ZDHHC3: variants seen among roughly 807,000 people sequenced by gnomAD.
ZDHHC3 encodes zDHHC palmitoyltransferase 3.
In ZDHHC3, 9 loss-of-function variants were observed where a neutral mutation model predicts 30.6. The ratio of observed to expected loss-of-function variants is 0.29; its 90% CI spans 0.18 to 0.51. The LOEUF (loss-of-function observed/expected upper bound fraction) is 0.51, where lower values mean the gene tolerates loss of function less well. Among genes scored for constraint, ZDHHC3 ranks in the 20% least tolerant of loss-of-function variants. The pLI is 0.97. For missense variants in ZDHHC3, 246 were observed against 384.2 expected (o/e 0.64, Z 3.01); for synonymous variants, 136 against 140.2 (o/e 0.97, Z 0.21).
chr3:44,964,951 G>A (rs935580791), intron 1 of ZDHHC3, among the ~76,000 whole-genome samples: 1 of 152,120 alleles, frequency 6.6e-6, no homozygotes, highest in Non-Finnish European at 1.5e-5. Flanking sequence ...AGCCCAGAAA[G>A]GCAAAGGAAC....
At position 44,921,148 on chromosome 3, in the gene ZDHHC3, G is replaced by A. The variant is rs1700561637; in HGVS notation, c.*5541C>T. Reference sequence around the variant, plus strand: ...GTGATGGGCCTTTTGGCCCAGGTCAGTCTGGGTGACACATGAGCTGTGATC... The same window carrying A: ...GTGATGGGCCTTTTGGCCCAGGTCAATCTGGGTGACACATGAGCTGTGATC... On this transcript the variant is annotated 3_prime_UTR_variant, in exon 7 of 7. Transcript: ENST00000424952. The A allele has an allele frequency of 3.0e-6, 3 of 985,292 alleles. No individual in the cohort carries two copies. The highest frequency in any genetic ancestry group is 1.2e-4 in the Admixed American group (2 of 16,274). The allele number at this position is 985,292 out of a possible 1,614,324, so 61.0% of individuals were successfully genotyped here.
chr3:44,948,291 G>C (rs573794045), intron 2 of ZDHHC3, among the ~76,000 whole-genome samples: 1 of 152,290 alleles, frequency 6.6e-6, no homozygotes, highest in South Asian at 2.1e-4. Context: ...GATGAAGACT[G>C]GGTGTCAGAA....
At chr3:44,935,166 T>C (rs1701843553) in intron 3 of ZDHHC3, among the ~76,000 whole-genome samples, 1 of 152,174 alleles carries the variant, frequency 6.6e-6, no homozygotes. Context: ...AAAAACTTTT[T>C]AATCTGAGGA....
intron 2 of ZDHHC3, 50 bp from the exon 3 acceptor site, chr3:44,945,342 T>G: frequency 6.2e-7 from 1 of 1,612,488 alleles, no homozygotes; most frequent in Non-Finnish European, 8.5e-7. Flanking sequence ...TTCTATCAGC[T>G]CTAACATTCT....
chr3:44,931,170 A>G (rs568152041), intron 5 of ZDHHC3, among the ~76,000 whole-genome samples: 22 of 152,218 alleles, frequency 1.4e-4, no homozygotes, highest in African/African-American at 4.8e-4. Context: ...GGGCTTTCTG[A>G]GATTTTGTTT....
At position 44,923,909 on chromosome 3, in the gene ZDHHC3, C is replaced by A; in HGVS notation, c.*2780G>T. On this transcript the variant is annotated 3_prime_UTR_variant, in exon 7 of 7. Transcript: ENST00000424952. ...ATGTGTTTTGTGTACATGATATTAC[C>A]AAGCCCATGCAAATATGCATAGATT... 1 of 985,432 alleles carries A rather than the reference C, an allele frequency of 1.0e-6. No homozygotes were observed. The highest frequency in any genetic ancestry group is 1.2e-6 in the Non-Finnish European group (1 of 829,930). 61.0% of individuals were successfully genotyped at this position (985,432 alleles called of 1,614,324 possible).
rs2125826486 is a variant in ZDHHC3 at position 44,933,149 on chromosome 3, G to A, written c.579C>T (p.His193=). The A allele has an allele frequency of 6.2e-7, 1 of 1,614,224 alleles. No individual in the cohort carries two copies. Among genetic ancestry groups the A allele is most frequent in the Non-Finnish European group, 8.5e-7 (1 of 1,180,046 alleles). ...SLHALIMVGF[H]FLHCFEEDWT... ...AATCTTCTTCAAAGCAATGCAGGAA[G>A]TGGAATCCCACCATGATGAGGGCGT... is the stretch of plus-strand genomic sequence containing the variant. The change falls in exon 5 of 7, where the codon CAC becomes CAT. Residue 193 remains histidine (H), a synonymous_variant. Transcript: ENST00000424952.
chr3:44,946,821 C>T (rs1012147489), intron 2 of ZDHHC3, among the ~76,000 whole-genome samples: 1 of 152,122 alleles, frequency 6.6e-6, no homozygotes. Context: ...GAGGCCGGAC[C>T]GATGGGCCGG....
chr3:44,975,772 TCACACACA>T (rs1185484134), intron 1 of ZDHHC3, among the ~76,000 whole-genome samples, 153 bp downstream of exon 1: 1 of 116,704 alleles, frequency 8.6e-6, no homozygotes, highest in Non-Finnish European at 1.8e-5. Context: ...TCTCTCTCTC[TCACACACA>T]CACACACACA....
intron 3 of ZDHHC3, among the ~76,000 whole-genome samples, chr3:44,941,996 G>T (rs1297470027): frequency 6.6e-6 from 1 of 152,222 alleles, no homozygotes; most frequent in Non-Finnish European, 1.5e-5. Context: ...ACACCAGGAT[G>T]AAAGAGCGTG....
rs1385331858 is a variant in ZDHHC3 at position 44,926,570 on chromosome 3, T to TA, written c.*118dup. ...ATGCTCAGCCATTTTACTTGAGACA[T>TA]AAAAAAAGTTTTAAGAGTAGTTGTT... is the stretch of plus-strand genomic sequence containing the variant. On this transcript the variant is annotated 3_prime_UTR_variant, in exon 7 of 7. Transcript: ENST00000424952. 1 of 1,270,762 alleles carries TA rather than the reference T, an allele frequency of 7.9e-7. No homozygotes were observed. Among genetic ancestry groups the TA allele is most frequent in the Non-Finnish European group, 1.0e-6 (1 of 1,002,088 alleles). 78.7% of individuals were successfully genotyped at this position (1,270,762 alleles called of 1,614,324 possible). A position where few individuals can be genotyped will look rare whatever the true frequency, so the allele number is the denominator to read the frequency against.
chr3:44,955,447 C>A (rs1703849878), intron 2 of ZDHHC3, among the ~76,000 whole-genome samples: 1 of 129,516 alleles, frequency 7.7e-6, no homozygotes. Context: ...TGAGGGAGAC[C>A]ACAAGGTTTT....
intron 5 of ZDHHC3, chr3:44,932,878 G>A (rs765793165): frequency 9.3e-6 from 15 of 1,611,010 alleles, no homozygotes; most frequent in Admixed American, 1.7e-5. Context: ...TCAGTCCAGA[G>A]GGTCTGTCTG....
rs914383522 is a variant in ZDHHC3, at chr3:44,920,032, A to T, written c.*6657T>A. The T allele has an allele frequency of 9.3e-6, 11 of 1,176,954 alleles. No individual in the cohort carries two copies. The highest frequency in any genetic ancestry group is 3.2e-5 in the African/African-American group (2 of 62,562). The allele number at this position is 1,176,954 out of a possible 1,614,324, so 72.9% of individuals were successfully genotyped here. On this transcript the variant is annotated 3_prime_UTR_variant, in exon 7 of 7. Transcript: ENST00000424952. ...TACATGACATTAGAACATTTGTCTGAGTGGTTACTTTTGGGGATGGAATTC... is the reference window on the plus strand; with the variant it reads ...TACATGACATTAGAACATTTGTCTGTGTGGTTACTTTTGGGGATGGAATTC...
In ZDHHC3 at chr3:44,920,504, G is replaced by A. The variant is rs1700518336; in HGVS notation, c.*6185C>T. 2.0e-6 allele frequency: 2 copies of A among 985,274 alleles called. No homozygotes were observed. The highest frequency in any genetic ancestry group is 3.5e-5 in the African/African-American group (2 of 57,220). The allele number at this position is 985,274 out of a possible 1,614,324, so 61.0% of individuals were successfully genotyped here. A position where few individuals can be genotyped will look rare whatever the true frequency, so the allele number is the denominator to read the frequency against. On this transcript the variant is annotated 3_prime_UTR_variant, in exon 7 of 7. Coordinates refer to ENST00000424952, the MANE Select transcript of ZDHHC3 (RefSeq NM_001135179.2). The stretch of plus-strand genomic sequence containing the variant: ...TTTATGGCCTCCTTGTGAGGAGGTG[G>A]GTATGAGTATTGATGATTGGCAGAT...
rs768895562 is a variant in ZDHHC3, at chr3:44,945,159, TG to T, written c.431+8del. ...GGAGAAGAGAGGAGGCGAGCCCCAGTGAGTGTACCTGCAGTGGTGGGCTCGG... is the reference window on the plus strand; with the variant it reads ...GGAGAAGAGAGGAGGCGAGCCCCAGTAGTGTACCTGCAGTGGTGGGCTCGG... On this transcript the variant is annotated splice_region_variant and intron_variant, in intron 3 of 6. Coordinates refer to ENST00000424952, the MANE Select transcript of ZDHHC3 (RefSeq NM_001135179.2). The T allele has an allele frequency of 1.2e-6, 2 of 1,613,720 alleles. No homozygotes were observed. Among genetic ancestry groups the T allele is most frequent in the East Asian group, 4.5e-5 (2 of 44,886 alleles).
In ZDHHC3 at chr3:44,945,895, G is replaced by T. The variant is rs189832201; in HGVS notation, c.307-603C>A. On this transcript the variant is annotated intron_variant, in intron 2 of 6. Transcript: ENST00000424952. ...ATTTTCTACACTAAACAGTGACATT[G>T]TTCCTGATTACTTTGTATTTTCATT... 2.6e-5 allele frequency among the ~76,000 whole-genome samples: 4 copies of T among 152,216 alleles called. No individual in the cohort carries two copies. The East Asian group carries it at 7.7e-4, about 29-fold the overall frequency.
rs141536498 is a variant in ZDHHC3, at chr3:44,962,738, C to T, written c.-24-3278G>A. Among the ~76,000 whole-genome samples the T allele has an allele frequency of 2.4e-3, 361 of 152,274 alleles. 1 individual carries two copies. The highest frequency in any genetic ancestry group is 8.7e-3 in the East Asian group (45 of 5,186). ...GGCTTGCTCAGACTGTTATAATTGC[C>T]GTTCTGGCATCTCTGTATATGATCC... On this transcript the variant is annotated intron_variant, in intron 1 of 6. Transcript: ENST00000424952.
chr3:44,955,388 T>C (rs1703844401), intron 2 of ZDHHC3, among the ~76,000 whole-genome samples: 3 of 151,600 alleles, frequency 2.0e-5, no homozygotes, highest in Non-Finnish European at 2.9e-5. Flanking sequence ...TGTTCAGATA[T>C]TACACTTGGA....
Sources: allele counts gnomAD v4.1 joint callset (sites outside exome capture counted in the v4.1 genomes callset), GRCh38; gene constraint gnomAD v4.1.1; transcripts MANE v1.5; gene names NCBI Gene and HGNC (gene_info 2026-07-23, HGNC 2026-07-21).